Variants in ALG8 observed in about 807,000 individuals in gnomAD.
ALG8 encodes the protein ALG8 alpha-1,3-glucosyltransferase, also known as dolichyl pyrophosphate Glc1Man9GlcNAc2 alpha-1,3-glucosyltransferase.
In ALG8, 48 loss-of-function variants were observed where a neutral mutation model predicts 70.2. That is an observed-to-expected ratio of 0.68 (90% confidence interval 0.54 to 0.87). The LOEUF (loss-of-function observed/expected upper bound fraction) is 0.87. Ranked by LOEUF, ALG8 falls within the 40% of genes least tolerant of loss-of-function variation. The probability of loss-of-function intolerance (pLI) is 0.00; values close to 1 mark genes in which losing one functional copy is unlikely to be tolerated. For missense variants in ALG8, 572 were observed against 608.7 expected (o/e 0.94, Z 0.64); for synonymous variants, 234 against 229.0 (o/e 1.02, Z -0.20).
intron 5 of ALG8, among the ~76,000 whole-genome samples, chr11:78,115,728 A>G (rs984229980): frequency 6.6e-6 from 1 of 152,184 alleles, no homozygotes; most frequent in African/African-American, 2.4e-5. Context: ...TAAATTCACT[A>G]TTCCAACAAA....
At chr11:78,120,288 T>A (rs548396403) in intron 4 of ALG8, among the ~76,000 whole-genome samples, 86 of 152,260 alleles carry the variant, frequency 5.6e-4, no homozygotes, top group African/African-American at 1.9e-3. Flanking sequence ...AAGTTTTTTG[T>A]TTTTTAGAAT....
intron 12 of ALG8, among the ~76,000 whole-genome samples, chr11:78,101,410 C>T (rs1372038860): frequency 6.6e-6 from 1 of 152,114 alleles, no homozygotes; most frequent in East Asian, 1.9e-4. Flanking sequence ...AGGTGGATCA[C>T]CTGAGGTCAG....
At chr11:78,127,522 G>A in intron 1 of ALG8, 86 bp from the exon 2 acceptor site, 2 of 1,172,286 alleles carry the variant, frequency 1.7e-6, no homozygotes, top group Non-Finnish European at 1.3e-6. Flanking sequence ...TAAATGGACT[G>A]ACATTCCCTA....
chr11:78,115,055 G>A (rs568600456), intron 5 of ALG8, among the ~76,000 whole-genome samples: 1 of 152,074 alleles, frequency 6.6e-6, no homozygotes, highest in Non-Finnish European at 1.5e-5. Flanking sequence ...ATTTGAGATG[G>A]AGTCTCCCTC....
At chr11:78,136,539 GA>G (rs1291354318) in intron 1 of ALG8, among the ~76,000 whole-genome samples, 3 of 149,356 alleles carry the variant, frequency 2.0e-5, no homozygotes, top group Non-Finnish European at 4.5e-5. Context: ...CCTGCCTCTA[GA>G]AAAAAAAAAT....
At chr11:78,137,673 C>T (rs113907936) in intron 1 of ALG8, 1 of 152,216 alleles carries the variant, frequency 6.6e-6, no homozygotes, top group Non-Finnish European at 1.5e-5. Flanking sequence ...GATGATGGAA[C>T]AGCTGGTTGA....
At chr11:78,112,517 C>T in intron 8 of ALG8, 133 bp downstream of exon 8, 5 of 1,388,318 alleles carry the variant, frequency 3.6e-6, no homozygotes, top group Non-Finnish European at 5.0e-6. Context: ...CCCTGTTCAT[C>T]CTGAAAGCTG....
chr11:78,103,166 A>T (rs1037109913), intron 12 of ALG8, among the ~76,000 whole-genome samples: 7 of 152,026 alleles, frequency 4.6e-5, no homozygotes, highest in African/African-American at 1.7e-4. Context: ...TCTCTAATAA[A>T]AATACAAAAT....
Position 78,100,980 on chromosome 11 carries a change from T to C in ALG8, c.1565A>G (p.Lys522Arg), listed in dbSNP as rs777535623. 3 of 1,614,116 alleles carry C rather than the reference T, an allele frequency of 1.9e-6. No individual in the cohort carries two copies. Among genetic ancestry groups the C allele is most frequent in the Non-Finnish European group, 2.5e-6 (3 of 1,179,932 alleles). ...VSVLIDSAIG[K>R]TKKQ ...TTCCTTTATTCATTGTTTCTTTGTC[T>C]TGCCAATAGCAGAGTCAATCAATAC... is the stretch of plus-strand genomic sequence containing the variant. Residue 522 changes from lysine to arginine, a missense_variant, in exon 13 of 13, where the codon AAG becomes AGG. Coordinates refer to ENST00000299626, the MANE Select transcript of ALG8 (RefSeq NM_024079.5).
chr11:78,107,700 G>A, intron 9 of ALG8: 2 of 206,444 alleles, frequency 9.7e-6, no homozygotes, highest in South Asian at 6.0e-5. Flanking sequence ...AAACTAGCTG[G>A]GCGTGGTGGT....
At chr11:78,126,211 C>T (rs1861067596) in intron 2 of ALG8, among the ~76,000 whole-genome samples, 1 of 151,474 alleles carries the variant, frequency 6.6e-6, no homozygotes, top group South Asian at 2.1e-4. Context: ...TAAAGTATTA[C>T]ACACAGTTTA....
chr11:78,119,576 A>T (rs1183245604), intron 4 of ALG8, among the ~76,000 whole-genome samples: 1 of 151,832 alleles, frequency 6.6e-6, no homozygotes, highest in Non-Finnish European at 1.5e-5. Context: ...CTACAGGCAC[A>T]TACCACCACA....
chr11:78,129,545 C>G lies in ALG8; in HGVS notation c.96-2109G>C, dbSNP rs1241597654. ...TTTCACACAATGGAATACTGTAGAGCAGCAGTTCTCAAAGTGTGATTCAGG... is the reference window on the plus strand; with the variant it reads ...TTTCACACAATGGAATACTGTAGAGGAGCAGTTCTCAAAGTGTGATTCAGG... On this transcript the variant is annotated intron_variant, in intron 1 of 12. Transcript: ENST00000299626. 2.0e-5 allele frequency among the ~76,000 whole-genome samples: 3 copies of G among 152,140 alleles called. No individual in the cohort carries two copies. The East Asian group carries it at 5.8e-4, about 29-fold the overall frequency.
At chr11:78,118,214 C>T (rs910183736) in intron 5 of ALG8, among the ~76,000 whole-genome samples, 1 of 152,080 alleles carries the variant, frequency 6.6e-6, no homozygotes, top group African/African-American at 2.4e-5. Context: ...CTTTCTATTA[C>T]ATTAATCTTC....
At position 78,124,102 on chromosome 11, in the gene ALG8, T is replaced by C; in HGVS notation, c.287A>G (p.Asn96Ser). Reference protein sequence around the residue: ...DQEMLNVHNLNYSSSRTLLFQ... With the variant: ...DQEMLNVHNLSYSSSRTLLFQ... ...AAGTAAGGTCCTTGAGCTGGAGTAA[T>C]TCAAATTATGGACATTCAGCATTTC... The change falls in exon 3 of 13, where the codon AAT becomes AGT. Residue 96 changes from asparagine (N) to serine (S), a missense_variant. By Grantham distance (46) the Asn-to-Ser change is conservative. Coordinates refer to ENST00000299626, the MANE Select transcript of ALG8 (RefSeq NM_024079.5). The C allele has an allele frequency of 1.9e-6, 3 of 1,614,122 alleles. No individual in the cohort carries two copies. The highest frequency in any genetic ancestry group is 1.7e-6 in the Non-Finnish European group (2 of 1,180,012).
At chr11:78,122,456 C>G (rs1860863297) in intron 3 of ALG8, among the ~76,000 whole-genome samples, 1 of 151,794 alleles carries the variant, frequency 6.6e-6, no homozygotes, top group South Asian at 2.1e-4. Flanking sequence ...GATCCTCTGC[C>G]TCAGGCTCCC....
chr11:78,138,224 C>T (rs756472130), intron 1 of ALG8, among the ~76,000 whole-genome samples: 25 of 151,934 alleles, frequency 1.6e-4, no homozygotes, highest in Non-Finnish European at 2.6e-4. Context: ...TGGTGCAAGC[C>T]TGTAATCCCA....
intron 1 of ALG8, among the ~76,000 whole-genome samples, chr11:78,129,006 C>T (rs1296692458): frequency 6.6e-6 from 1 of 152,142 alleles, no homozygotes; most frequent in Admixed American, 6.6e-5. Flanking sequence ...ACTTGAATTT[C>T]CTACAGATAT....
intron 5 of ALG8, among the ~76,000 whole-genome samples, chr11:78,117,367 T>C (rs930483953): frequency 1.3e-5 from 2 of 152,122 alleles, no homozygotes; most frequent in East Asian, 3.9e-4. Flanking sequence ...ATAGGAGGAA[T>C]AATAATTCTA....
Sources: gnomAD v4.1 joint callset for allele counts (sites outside exome capture counted in the v4.1 genomes callset) on GRCh38, gnomAD v4.1.1 for gene constraint, MANE v1.5 for transcripts, NCBI Gene and HGNC (gene_info 2026-07-23, HGNC 2026-07-21) for gene names.